GTF3C1: variants seen among roughly 807,000 people sequenced by gnomAD.
GTF3C1 encodes the protein general transcription factor IIIC subunit 1.
A neutral mutation model predicts 226.7 loss-of-function variants in GTF3C1; 57 were observed. The observed-to-expected ratio is 0.25, with a 90% confidence interval of 0.20 to 0.31. GTF3C1 has a LOEUF of 0.31. GTF3C1 is among the 10% of genes least tolerant of loss of function. The probability of loss-of-function intolerance (pLI) is 1.00; values close to 1 mark genes in which losing one functional copy is unlikely to be tolerated. For missense variants in GTF3C1, 2,217 were observed against 2,776.1 expected, an observed-to-expected ratio of 0.80 and a Z score of 4.53; for synonymous variants, 1,090 against 1,084.8, an observed-to-expected ratio of 1.00 and a Z score of -0.09.
chr16:27,530,602 G>C (rs2088901146), intron 5 of GTF3C1, among the ~76,000 whole-genome samples: 1 of 152,170 alleles, frequency 6.6e-6, no homozygotes, highest in Non-Finnish European at 1.5e-5. Context: ...CCAATTTCCA[G>C]CTGTTGACTA....
intron 2 of GTF3C1, among the ~76,000 whole-genome samples, chr16:27,541,280 G>A (rs2089078371): frequency 6.6e-6 from 1 of 152,214 alleles, no homozygotes; most frequent in Admixed American, 6.5e-5. Context: ...TACAAAGTCT[G>A]GAGTGTGGTA....
chr16:27,515,651 G>A (rs2088646028), intron 6 of GTF3C1, among the ~76,000 whole-genome samples: 1 of 152,178 alleles, frequency 6.6e-6, no homozygotes, highest in Non-Finnish European at 1.5e-5. Context: ...AGGCAGAGAA[G>A]TGTTTCCATC....
At chr16:27,474,591 T>C (rs745744936) in intron 29 of GTF3C1, among the ~76,000 whole-genome samples, 14 of 152,284 alleles carry the variant, frequency 9.2e-5, no homozygotes, top group Non-Finnish European at 1.8e-4. Context: ...AAAAAAAAAT[T>C]TTGTTTTTTC....
At chr16:27,517,224 C>T (rs1378563075) in intron 6 of GTF3C1, among the ~76,000 whole-genome samples, 1 of 152,166 alleles carries the variant, frequency 6.6e-6, no homozygotes, top group Non-Finnish European at 1.5e-5. Flanking sequence ...TTCCACCAGC[C>T]CTGTGTGCCT....
At chr16:27,483,463 C>T in intron 25 of GTF3C1, 1 of 490,136 alleles carries the variant, frequency 2.0e-6, no homozygotes, top group Non-Finnish European at 4.0e-6. Context: ...CATTTAAAAA[C>T]ATCAAACAGG....
At position 27,470,478 on chromosome 16, in the gene GTF3C1, C is replaced by A; in HGVS notation, c.4527-83G>T. ...TTGGATGGACTATGAGCACGTCAAA[C>A]CATTATGGTGAGAACTAAGCAAAAC... On this transcript the variant is annotated intron_variant, in intron 30 of 36. Transcript: ENST00000356183. This position sits in a 1 kb window ranked among gnomAD's most constrained non-coding sequence, Gnocchi z 4.9. 1 of 1,120,288 alleles carries A rather than the reference C, an allele frequency of 8.9e-7. No homozygotes were observed. The highest frequency in any genetic ancestry group is 1.3e-6 in the Non-Finnish European group (1 of 761,990). 69.4% of individuals were successfully genotyped at this position (1,120,288 alleles called of 1,614,324 possible).
chr16:27,477,658 A>G (rs1299376606), intron 28 of GTF3C1, among the ~76,000 whole-genome samples: 1 of 152,242 alleles, frequency 6.6e-6, no homozygotes, highest in East Asian at 1.9e-4. Flanking sequence ...GTAAGAGCAC[A>G]GTATATAACA....
chr16:27,483,869 C>G (rs1028927659), intron 25 of GTF3C1, among the ~76,000 whole-genome samples: 1 of 152,216 alleles, frequency 6.6e-6, no homozygotes, highest in African/African-American at 2.4e-5. Context: ...CCAAAAACAG[C>G]AGGAAAAGCC....
intron 11 of GTF3C1, 133 bp from the exon 12 acceptor site, chr16:27,501,477 G>T: frequency 2.5e-6 from 2 of 784,458 alleles, no homozygotes; most frequent in Admixed American, 2.2e-5. Flanking sequence ...TCCCCACCCT[G>T]GAAAGACTGA....
At chr16:27,531,027 C>A (rs1306441353) in intron 5 of GTF3C1, among the ~76,000 whole-genome samples, 1 of 152,200 alleles carries the variant, frequency 6.6e-6, no homozygotes, top group Non-Finnish European at 1.5e-5. Flanking sequence ...TTCCCATCCC[C>A]TTCCCTCCAC....
Position 27,470,147 on chromosome 16 carries a change from A to C in GTF3C1, c.4775T>G (p.Val1592Gly). The change falls in exon 31 of 37, where the codon GTG (valine) becomes GGG (glycine). Residue 1592 changes from valine to glycine, a missense_variant. Around this residue, in one of 12 missense-constraint regions of GTF3C1, gnomAD observed 546 missense variants for 663.0 expected, o/e 0.82. Coordinates refer to ENST00000356183, the MANE Select transcript of GTF3C1 (RefSeq NM_001520.4). This position sits in a 1 kb window ranked among gnomAD's most constrained non-coding sequence, Gnocchi z 4.9. ...VDVRIPEQII[V>G]VDSSMVENEV... is the part of the protein sequence containing the mutation. The stretch of plus-strand genomic sequence containing the variant: ...ATTCTCCACCATTGAGCTGTCTACC[A>C]CGATGATCTGCTCCGGGATCCTGAC... 1 of 1,614,050 alleles carries C rather than the reference A, an allele frequency of 6.2e-7. No individual in the cohort carries two copies. The highest frequency in any genetic ancestry group is 8.5e-7 in the Non-Finnish European group (1 of 1,179,954).
intron 1 of GTF3C1, among the ~76,000 whole-genome samples, chr16:27,548,205 T>C (rs1349650474): frequency 6.6e-6 from 1 of 152,250 alleles, no homozygotes; most frequent in African/African-American, 2.4e-5. Flanking sequence ...TGCTGTTCTC[T>C]GTCCAACAGT....
intron 2 of GTF3C1, among the ~76,000 whole-genome samples, chr16:27,541,961 T>C (rs929553056): frequency 2.0e-5 from 3 of 152,158 alleles, no homozygotes; most frequent in African/African-American, 7.2e-5. Context: ...TGCAGCTAGA[T>C]CTTGTGACTT....
chr16:27,505,786 G>A (rs574948231), intron 10 of GTF3C1, 113 bp downstream of exon 10: 26 of 701,056 alleles, frequency 3.7e-5, no homozygotes, highest in Non-Finnish European at 5.3e-5. Context: ...GCCTCGGCAC[G>A]CAGCACTCTC....
Position 27,548,854 on chromosome 16 carries a change from TTC to T in GTF3C1, c.221+814_221+815del, listed in dbSNP as rs201486772. On this transcript the variant is annotated intron_variant, in intron 1 of 36. Coordinates refer to ENST00000356183, the MANE Select transcript of GTF3C1 (RefSeq NM_001520.4). ...AAGCTCCTAAAGCTTCTAGAATAGA[TTC>T]TTAGAACAGCAATGTGGCCGGGCGC... 7.4e-3 allele frequency among the ~76,000 whole-genome samples: 1,120 copies of T among 152,290 alleles called. 23 individuals are homozygous for T. Among genetic ancestry groups the T allele is most frequent in the African/African-American group, 0.025 (1,059 of 41,554 alleles).
chr16:27,521,003 G>A (rs1160067717), intron 6 of GTF3C1, among the ~76,000 whole-genome samples: 5 of 152,196 alleles, frequency 3.3e-5, no homozygotes, highest in Non-Finnish European at 4.4e-5. Flanking sequence ...AGAGGCCTAA[G>A]CCACAGCGCC....
intron 4 of GTF3C1, 35 bp from the exon 5 acceptor site, chr16:27,533,422 C>A: frequency 8.6e-7 from 1 of 1,157,340 alleles, no homozygotes; most frequent in Non-Finnish European, 1.3e-6. Flanking sequence ...TTTTTTCAAA[C>A]CTGTTGCTGA....
At chr16:27,540,733 T>C (rs1235479818) in intron 2 of GTF3C1, among the ~76,000 whole-genome samples, 2 of 152,326 alleles carry the variant, frequency 1.3e-5, no homozygotes, top group South Asian at 2.1e-4. Flanking sequence ...AAAGAGGCTC[T>C]AGTTGTTGAG....
chr16:27,495,703 G>A (rs2088306026), intron 14 of GTF3C1, among the ~76,000 whole-genome samples: 1 of 152,222 alleles, frequency 6.6e-6, no homozygotes, highest in African/African-American at 2.4e-5. Flanking sequence ...AGCTGGTGCA[G>A]AAAATAAAGC....
Sources: allele counts gnomAD v4.1 joint callset (sites outside exome capture counted in the v4.1 genomes callset), GRCh38; gene constraint gnomAD v4.1.1; regional missense constraint gnomAD v4.1.1; non-coding constraint Gnocchi (gnomAD v3.1); transcripts MANE v1.5; gene names NCBI Gene and HGNC (gene_info 2026-07-23, HGNC 2026-07-21).